GRHL2: variants seen among roughly 807,000 people sequenced by gnomAD.
The protein encoded by GRHL2 is grainyhead-like protein 2 homolog.
Under a neutral mutation model 83.8 loss-of-function variants are expected in GRHL2, and 21 were observed. That is an observed-to-expected ratio of 0.25 (90% CI 0.18 to 0.36). The LOEUF is 0.36. Ranked by LOEUF, GRHL2 falls within the 10% of genes least tolerant of loss-of-function variation. The pLI is 1.00. For synonymous variants in GRHL2, 280 were observed against 278.9 expected (o/e 1.00, Z -0.04); for missense variants, 623 against 781.8 (o/e 0.80, Z 2.42).
At chr8:101,649,078 G>C (rs1343300096) in intron 13 of GRHL2, among the ~76,000 whole-genome samples, 2 of 152,190 alleles carry the variant, frequency 1.3e-5, no homozygotes, top group Non-Finnish European at 2.9e-5. Context: ...AGTAATATTT[G>C]TCAAAGGAAC....
intron 1 of GRHL2, among the ~76,000 whole-genome samples, chr8:101,502,744 T>TCCC (rs1810255332): frequency 1.3e-5 from 2 of 152,014 alleles, no homozygotes; most frequent in African/African-American, 4.8e-5. Flanking sequence ...CTCCTCCTCC[T>TCCC]CCTCCTCTTC....
chr8:101,532,571 G>A (rs1810951253), intron 1 of GRHL2, among the ~76,000 whole-genome samples: 1 of 152,076 alleles, frequency 6.6e-6, no homozygotes, highest in African/African-American at 2.4e-5. Context: ...CCAACATGGT[G>A]AAACCCTGTC....
At chr8:101,679,744 A>G in the GRHL2 span, among the ~76,000 whole-genome samples, 1 of 151,006 alleles carries the variant, frequency 6.6e-6, no homozygotes, top group Non-Finnish European at 1.5e-5. Context: ...AAACCCTACA[A>G]GCCAGAAGAG....
In GRHL2 at chr8:101,527,042, T is replaced by C. The variant is rs1477398793; in HGVS notation, c.21-16199T>C. On this transcript the variant is annotated intron_variant, in intron 1 of 15. Coordinates refer to ENST00000646743, the MANE Select transcript of GRHL2 (RefSeq NM_024915.4). ...TATTCATGTCAGAAGCTTGAACTTT[T>C]GCCCAACATTAGTTTTATACCATTA... is the stretch of plus-strand genomic sequence containing the variant. 2.6e-5 allele frequency among the ~76,000 whole-genome samples: 4 copies of C among 152,222 alleles called. No individual in the cohort carries two copies. The East Asian group carries it at 7.7e-4, about 29-fold the overall frequency.
At chr8:101,509,110 C>T (rs199848134) in intron 1 of GRHL2, among the ~76,000 whole-genome samples, 12 of 26,376 alleles carry the variant, frequency 4.5e-4, no homozygotes, top group South Asian at 3.7e-3. Context: ...TCTTTCTCTC[C>T]TTCCTTCCTT....
intron 5 of GRHL2, among the ~76,000 whole-genome samples, chr8:101,571,644 T>G (rs1811827728): frequency 6.6e-6 from 1 of 152,180 alleles, no homozygotes; most frequent in African/African-American, 2.4e-5. Context: ...CCCTCTTTAC[T>G]TAAAATCTCA....
downstream of GRHL2, among the ~76,000 whole-genome samples, chr8:101,673,672 C>T (rs201390228): frequency 3.3e-5 from 5 of 152,030 alleles, no homozygotes; most frequent in South Asian, 8.4e-4. Context: ...AACAAGGATA[C>T]CCAGGAATTG....
intron 8 of GRHL2, among the ~76,000 whole-genome samples, chr8:101,600,955 A>G (rs1812497268): frequency 6.6e-6 from 1 of 152,150 alleles, no homozygotes; most frequent in South Asian, 2.1e-4. Context: ...CCAGAAGTTC[A>G]AAAGTAACCT....
chr8:101,678,509 G>A, the GRHL2 span, among the ~76,000 whole-genome samples: 1 of 152,136 alleles, frequency 6.6e-6, no homozygotes, highest in Non-Finnish European at 1.5e-5. Context: ...CTGGGGAGGG[G>A]CGCCCGCCAT....
At chr8:101,624,545 T>C (rs766500332) in intron 9 of GRHL2, among the ~76,000 whole-genome samples, 3 of 7,676 alleles carry the variant, frequency 3.9e-4, no homozygotes, top group African/African-American at 6.3e-4. Context: ...GAGTACACAG[T>C]AGGACAGTAC....
intron 2 of GRHL2, 198 bp downstream of exon 2, chr8:101,543,634 G>T: frequency 1.6e-6 from 1 of 621,884 alleles, no homozygotes. Flanking sequence ...CCATCCAGAG[G>T]AAGTACTCAT....
chr8:101,640,204 T>G (rs1326469509), intron 12 of GRHL2, among the ~76,000 whole-genome samples: 1 of 152,232 alleles, frequency 6.6e-6, no homozygotes, highest in Non-Finnish European at 1.5e-5. Context: ...AATAACAATC[T>G]TTTAGAGTCT....
At chr8:101,656,907 G>C (rs545157064) in intron 14 of GRHL2, among the ~76,000 whole-genome samples, 1,061 of 103,514 alleles carry the variant, frequency 0.01, 8 homozygotes, top group Non-Finnish European at 0.013. Context: ...CACACACACA[G>C]GCAATGACCG....
At chr8:101,678,060 G>A in the GRHL2 span, among the ~76,000 whole-genome samples, 11 of 152,138 alleles carry the variant, frequency 7.2e-5, no homozygotes, top group African/African-American at 1.2e-4. Flanking sequence ...CACTTCCGGC[G>A]AAGACAAGCG....
chr8:101,661,129 AT>A (rs1813911503), intron 14 of GRHL2, among the ~76,000 whole-genome samples: 1 of 151,842 alleles, frequency 6.6e-6, no homozygotes, highest in Admixed American at 6.6e-5. Flanking sequence ...CATTATGAAT[AT>A]TTTTTTGCAA....
intron 11 of GRHL2, among the ~76,000 whole-genome samples, chr8:101,636,268 G>A (rs1248548580): frequency 6.6e-6 from 1 of 152,158 alleles, no homozygotes; most frequent in Non-Finnish European, 1.5e-5. Flanking sequence ...GTCTGTCTTT[G>A]GAGATCTTCC....
intron 3 of GRHL2, 27 bp from the exon 4 acceptor site, chr8:101,558,389 TATC>T (rs1811530427): frequency 6.2e-7 from 1 of 1,613,506 alleles, no homozygotes; most frequent in Non-Finnish European, 8.5e-7. Flanking sequence ...TTTCTAATTC[TATC>T]ATGTTGCGGG....
intron 8 of GRHL2, among the ~76,000 whole-genome samples, chr8:101,605,706 A>G (rs1812619756): frequency 6.6e-6 from 1 of 152,186 alleles, no homozygotes; most frequent in Admixed American, 6.5e-5. Flanking sequence ...ATTGACCGGA[A>G]CTGATGTGGG....
At chr8:101,645,377 C>T (rs544876595) in intron 13 of GRHL2, among the ~76,000 whole-genome samples, 4 of 152,216 alleles carry the variant, frequency 2.6e-5, no homozygotes, top group Non-Finnish European at 4.4e-5. Context: ...GTGATCCGGC[C>T]GCCTTGGCCT....
Sources: allele counts gnomAD v4.1 joint callset (sites outside exome capture counted in the v4.1 genomes callset), GRCh38; gene constraint gnomAD v4.1.1; transcripts MANE v1.5; gene names NCBI Gene and HGNC (gene_info 2026-07-23, HGNC 2026-07-21).